Variants in LRRC18 observed in about 807,000 individuals in gnomAD.
LRRC18 encodes leucine rich repeat containing 18, also known as leucine-rich repeat-containing protein 18.
In LRRC18, 12 loss-of-function variants were observed where a neutral mutation model predicts 11.2. The ratio of observed to expected loss-of-function variants is 1.07; its 90% CI spans 0.69 to 1.74. The LOEUF is 1.74. Among genes scored for constraint, LRRC18 ranks in the 40% most tolerant of loss-of-function variants. LRRC18 has a pLI of 0.00. For missense variants in LRRC18, 374 were observed against 330.5 expected, an observed-to-expected ratio of 1.13 and a Z score of -1.02; for synonymous variants, 155 against 130.6, an observed-to-expected ratio of 1.19 and a Z score of -1.27.
At chr10:48,922,865 G>A in the LRRC18 span, among the ~76,000 whole-genome samples, 4 of 152,124 alleles carry the variant, frequency 2.6e-5, no homozygotes, top group Admixed American at 6.5e-5. Flanking sequence ...ACAAATCTAT[G>A]GTTGCAGGGA....
chr10:48,910,870 C>T (rs774017794), intron 1 of LRRC18: 1 of 982,756 alleles, frequency 1.0e-6, no homozygotes, highest in African/African-American at 1.7e-5. Context: ...GACCAGCAAA[C>T]CCTGGGCACC....
the LRRC18 span, among the ~76,000 whole-genome samples, chr10:48,924,487 G>C: frequency 6.6e-6 from 1 of 152,256 alleles, no homozygotes; most frequent in African/African-American, 2.4e-5. Flanking sequence ...TAAGCAGATA[G>C]ATGGGCGAAT....
At chr10:48,927,693 T>C in the LRRC18 span, among the ~76,000 whole-genome samples, 2 of 152,212 alleles carry the variant, frequency 1.3e-5, no homozygotes, top group Non-Finnish European at 2.9e-5. Context: ...CCGTTAGCTG[T>C]CAAACTGCCC....
chr10:48,923,496 G>GTATATATATATATA, the LRRC18 span, among the ~76,000 whole-genome samples: 157 of 63,192 alleles, frequency 2.5e-3, 16 homozygotes, highest in Middle Eastern at 0.012. Context: ...ATAGTTTTTA[G>GTATATATATATATA]TATATATATA....
At chr10:48,935,402 T>C in the LRRC18 span, among the ~76,000 whole-genome samples, 1 of 152,384 alleles carries the variant, frequency 6.6e-6, no homozygotes, top group Non-Finnish European at 1.5e-5. Context: ...AGTTGGGCTT[T>C]TCCTGCTGTT....
the LRRC18 span, chr10:48,932,528 G>GTCA: frequency 6.6e-6 from 1 of 152,104 alleles, no homozygotes; most frequent in Non-Finnish European, 1.5e-5. Flanking sequence ...TCCTCATTCA[G>GTCA]TCATCTGTCC....
chr10:48,926,025 T>C, the LRRC18 span, among the ~76,000 whole-genome samples: 1 of 152,212 alleles, frequency 6.6e-6, no homozygotes, highest in African/African-American at 2.4e-5. Flanking sequence ...AACCTCAATG[T>C]GTCTGATACG....
chr10:48,913,560 T>C (rs749781449), exon 1 of LRRC18: 19 of 1,613,550 alleles, frequency 1.2e-5, no homozygotes, highest in Non-Finnish European at 1.4e-5. Flanking sequence ...CTCCACAACA[T>C]ACAAGTTCTC....
At chr10:48,920,016 T>C in the LRRC18 span, among the ~76,000 whole-genome samples, 3 of 152,080 alleles carry the variant, frequency 2.0e-5, no homozygotes, top group African/African-American at 7.2e-5. Context: ...AACATAGTAT[T>C]AGCAAATTGA....
At chr10:48,913,613 C>G (rs1387277129) in exon 1 of LRRC18, 1 of 1,613,968 alleles carries the variant, frequency 6.2e-7, no homozygotes, top group Non-Finnish European at 8.5e-7. Flanking sequence ...ACTCACCTGG[C>G]TTTGGAAAGG....
At chr10:48,910,214 T>G in exon 2 of LRRC18, 1 of 1,567,594 alleles carries the variant, frequency 6.4e-7, no homozygotes, top group Non-Finnish European at 8.8e-7. Flanking sequence ...CTGAGTAGTC[T>G]TCAAGATTTT....
the LRRC18 span, among the ~76,000 whole-genome samples, chr10:48,922,737 G>T: frequency 6.6e-6 from 1 of 152,240 alleles, no homozygotes; most frequent in Non-Finnish European, 1.5e-5. Context: ...GGATACATGC[G>T]ACAACTTGGA....
chr10:48,930,731 G>C, the LRRC18 span, among the ~76,000 whole-genome samples: 1 of 152,018 alleles, frequency 6.6e-6, no homozygotes, highest in East Asian at 1.9e-4. Context: ...CAATAGATGA[G>C]TGATTAAATA....
chr10:48,914,001 A>G (rs143916789), exon 1 of LRRC18: 8 of 1,614,168 alleles, frequency 5.0e-6, no homozygotes, highest in Non-Finnish European at 6.8e-6. Context: ...CAGCTCGTCC[A>G]TGTCACTAAG....
chr10:48,930,077 G>A, the LRRC18 span, among the ~76,000 whole-genome samples: 1 of 151,884 alleles, frequency 6.6e-6, no homozygotes, highest in Non-Finnish European at 1.5e-5. Context: ...GTCCATTTCA[G>A]TTCCTAGCAC....
At chr10:48,913,453 T>C (rs763044955) in exon 1 of LRRC18, 2 of 1,613,592 alleles carry the variant, frequency 1.2e-6, no homozygotes, top group East Asian at 2.2e-5. Context: ...GGAAAGATGG[T>C]CTTTCTCGGT....
At chr10:48,935,029 T>C in the LRRC18 span, 1 of 152,206 alleles carries the variant, frequency 6.6e-6, no homozygotes, top group African/African-American at 2.4e-5. Context: ...GCCTGGGCTT[T>C]GTAAATAAAG....
the LRRC18 span, chr10:48,932,337 A>T: frequency 6.6e-6 from 1 of 152,214 alleles, no homozygotes. Flanking sequence ...CAGATGGAGG[A>T]GTTGGAGAAC....
At chr10:48,915,638 A>G (rs1838452069), upstream of LRRC18, among the ~76,000 whole-genome samples, 1 of 152,128 alleles carries the variant, frequency 6.6e-6, no homozygotes. Flanking sequence ...TTCCTCACCC[A>G]GTGTCAAAGG....
Sources: allele counts gnomAD v4.1 joint callset (sites outside exome capture counted in the v4.1 genomes callset), GRCh38; gene constraint gnomAD v4.1.1; transcripts MANE v1.5; gene names NCBI Gene and HGNC (gene_info 2026-07-23, HGNC 2026-07-21).